LHFPL6: variants seen among roughly 807,000 people sequenced by gnomAD.
LHFPL6 encodes the protein LHFPL tetraspan subfamily member 6 protein.
In LHFPL6, 9 loss-of-function variants were observed where a neutral mutation model predicts 20.6. The observed-to-expected ratio is 0.44, with a 90% confidence interval of 0.26 to 0.76. The LOEUF (loss-of-function observed/expected upper bound fraction) is 0.76, where lower values mean the gene tolerates loss of function less well. Ranked by LOEUF, LHFPL6 falls within the 30% of genes least tolerant of loss-of-function variation. The probability of loss-of-function intolerance (pLI) is 0.20; values close to 1 mark genes in which losing one functional copy is unlikely to be tolerated. For missense variants in LHFPL6, 218 were observed against 253.5 expected (o/e 0.86, Z 0.95); for synonymous variants, 105 against 98.7 (o/e 1.06, Z -0.38).
At chr13:39,558,830 C>T (rs1871386692) in intron 2 of LHFPL6, among the ~76,000 whole-genome samples, 1 of 152,200 alleles carries the variant, frequency 6.6e-6, no homozygotes, top group African/African-American at 2.4e-5. Flanking sequence ...GCTTTCCAAT[C>T]TTTAAATACC....
chr13:39,555,479 G>A (rs968953596), intron 2 of LHFPL6, among the ~76,000 whole-genome samples: 2 of 152,040 alleles, frequency 1.3e-5, no homozygotes, highest in Admixed American at 6.6e-5. Context: ...CAACAAACAC[G>A]GTGACTCTGA....
chr13:39,478,277 A>T (rs1262140327), intron 2 of LHFPL6, among the ~76,000 whole-genome samples: 1 of 152,084 alleles, frequency 6.6e-6, no homozygotes, highest in African/African-American at 2.4e-5. Flanking sequence ...CCTTTTGGAA[A>T]CCAGCACTAT....
chr13:39,514,054 G>A (rs966121159), intron 2 of LHFPL6, among the ~76,000 whole-genome samples: 4 of 152,126 alleles, frequency 2.6e-5, no homozygotes, highest in African/African-American at 9.7e-5. Context: ...CTGAGTGATG[G>A]AGTCAAAGAA....
At chr13:39,373,610 T>G (rs578013134) in intron 3 of LHFPL6, among the ~76,000 whole-genome samples, 41 of 152,320 alleles carry the variant, frequency 2.7e-4, no homozygotes, top group African/African-American at 9.6e-4. Flanking sequence ...CCTGACCAGC[T>G]GCCTTGAGAG....
In LHFPL6 at chr13:39,519,466, C is replaced by T. The variant is rs1363165583; in HGVS notation, c.385+81366G>A. Among the ~76,000 whole-genome samples the T allele has an allele frequency of 3.9e-5, 6 of 152,140 alleles. No individual in the cohort carries two copies. The South Asian group carries it at 8.3e-4, about 21-fold the overall frequency. On this transcript the variant is annotated intron_variant, in intron 2 of 3. Coordinates refer to ENST00000379589, the MANE Select transcript of LHFPL6 (RefSeq NM_005780.3). ...GTCCCAGATCACTGAGTGTTAAAAA[C>T]GTTACACGCATTAGTTTGTCTCCCT... is the stretch of plus-strand genomic sequence containing the variant.
chr13:39,566,150 AC>A (rs940784321), intron 2 of LHFPL6, among the ~76,000 whole-genome samples: 6 of 152,154 alleles, frequency 3.9e-5, no homozygotes, highest in African/African-American at 1.2e-4. Context: ...TCCTGTTGGA[AC>A]AAAAACAGAA....
chr13:39,568,589 C>G (rs1871803117), intron 2 of LHFPL6, among the ~76,000 whole-genome samples: 1 of 152,180 alleles, frequency 6.6e-6, no homozygotes, highest in African/African-American at 2.4e-5. Context: ...ATTCTGTAAG[C>G]AGAATATTCA....
intron 2 of LHFPL6, among the ~76,000 whole-genome samples, chr13:39,414,772 TA>T (rs1270308530): frequency 6.6e-6 from 1 of 151,772 alleles, no homozygotes; most frequent in Non-Finnish European, 1.5e-5. Flanking sequence ...CTAAATGATA[TA>T]ATTACTGGCA....
At chr13:39,547,525 A>G (rs982536877) in intron 2 of LHFPL6, among the ~76,000 whole-genome samples, 1 of 152,224 alleles carries the variant, frequency 6.6e-6, no homozygotes, top group African/African-American at 2.4e-5. Flanking sequence ...TAAATTCATG[A>G]TTATTATTCT....
At chr13:39,570,042 A>G (rs1212773787) in intron 2 of LHFPL6, among the ~76,000 whole-genome samples, 1 of 152,178 alleles carries the variant, frequency 6.6e-6, no homozygotes. Flanking sequence ...ATCTATATAC[A>G]AGGGAAACAA....
In LHFPL6 at chr13:39,433,844, A is replaced by C. The variant is rs549089881; in HGVS notation, c.386-55318T>G. ...TGTAAACCAGCTCTCTCAGCCAAGA[A>C]GTTTGAATAATCCAGCAGTCACCAG... On this transcript the variant is annotated intron_variant, in intron 2 of 3. Coordinates refer to ENST00000379589, the MANE Select transcript of LHFPL6 (RefSeq NM_005780.3). Among the ~76,000 whole-genome samples, 24 of 152,300 alleles carry C rather than the reference A, an allele frequency of 1.6e-4. 1 individual carries two copies. Among genetic ancestry groups the C allele is most frequent in the African/African-American group, 2.6e-4 (11 of 41,570 alleles).
intron 2 of LHFPL6, among the ~76,000 whole-genome samples, chr13:39,535,155 C>T (rs1278986120): frequency 2.0e-5 from 3 of 152,218 alleles, no homozygotes; most frequent in Non-Finnish European, 4.4e-5. Context: ...ATAAGGACAT[C>T]CATCATATAT....
intron 3 of LHFPL6, among the ~76,000 whole-genome samples, chr13:39,359,640 G>T (rs1310123850): frequency 6.6e-6 from 1 of 152,094 alleles, no homozygotes; most frequent in Admixed American, 6.6e-5. Context: ...GGAGAAGGAG[G>T]TAGGACAAAG....
At chr13:39,485,064 C>T (rs1868678679) in intron 2 of LHFPL6, among the ~76,000 whole-genome samples, 2 of 152,126 alleles carry the variant, frequency 1.3e-5, no homozygotes, top group African/African-American at 4.8e-5. Flanking sequence ...CTATAAAGGT[C>T]TCTACTAATG....
chr13:39,598,762 T>C (rs1405273716), intron 2 of LHFPL6, among the ~76,000 whole-genome samples: 2 of 152,268 alleles, frequency 1.3e-5, no homozygotes, highest in African/African-American at 4.8e-5. Context: ...TTTCACCGTG[T>C]TAGCCAGGAT....
intron 2 of LHFPL6, among the ~76,000 whole-genome samples, chr13:39,552,936 T>C (rs1458638327): frequency 6.6e-6 from 1 of 152,120 alleles, no homozygotes; most frequent in Non-Finnish European, 1.5e-5. Flanking sequence ...AGAATGAGGA[T>C]GATGCTTTGG....
At chr13:39,575,043 C>T (rs1013094707) in intron 2 of LHFPL6, among the ~76,000 whole-genome samples, 1 of 152,110 alleles carries the variant, frequency 6.6e-6, no homozygotes, top group South Asian at 2.1e-4. Flanking sequence ...TGCACTTTGG[C>T]CTCGCGACAG....
intron 3 of LHFPL6, among the ~76,000 whole-genome samples, chr13:39,363,339 C>T (rs1869927132): frequency 6.6e-6 from 1 of 151,494 alleles, no homozygotes; most frequent in African/African-American, 2.4e-5. Flanking sequence ...TCACTTCTGC[C>T]ACCCAGAGCA....
chr13:39,579,750 G>T (rs1872222049), intron 2 of LHFPL6, among the ~76,000 whole-genome samples: 2 of 152,224 alleles, frequency 1.3e-5, no homozygotes, highest in Non-Finnish European at 2.9e-5. Flanking sequence ...ACATACACCT[G>T]CAAATATCAC....
Sources: allele counts gnomAD v4.1 joint callset (sites outside exome capture counted in the v4.1 genomes callset), GRCh38; gene constraint gnomAD v4.1.1; transcripts MANE v1.5; gene names NCBI Gene and HGNC (gene_info 2026-07-23, HGNC 2026-07-21).